NTM: variants seen among roughly 807,000 people sequenced by gnomAD.
The protein encoded by NTM is IgLON family member 2.
A neutral mutation model predicts 42.1 loss-of-function variants in NTM; 13 were observed. That is an observed-to-expected ratio of 0.31 (90% CI 0.20 to 0.49). The LOEUF is 0.49. Among genes scored for constraint, NTM ranks in the 20% least tolerant of loss-of-function variants. NTM has a pLI of 0.99. For synonymous variants in NTM, 187 were observed against 179.2 expected (o/e 1.04, Z -0.35); for missense variants, 373 against 452.8 (o/e 0.82, Z 1.60).
intron 4 of NTM, among the ~76,000 whole-genome samples, chr11:132,292,699 G>T (rs1016919633): frequency 4.7e-5 from 7 of 150,442 alleles, no homozygotes; most frequent in Middle Eastern, 3.4e-3. Flanking sequence ...GAACAAGGGA[G>T]GGAGGCGAAG....
chr11:132,144,368 G>A (rs1304039460), intron 2 of NTM, among the ~76,000 whole-genome samples: 1 of 152,218 alleles, frequency 6.6e-6, no homozygotes, highest in Non-Finnish European at 1.5e-5. Context: ...TAAAGCTTGA[G>A]AAACATGTGG....
At chr11:131,834,428 A>C (rs892626173) in intron 1 of NTM, among the ~76,000 whole-genome samples, 1 of 151,862 alleles carries the variant, frequency 6.6e-6, no homozygotes, top group African/African-American at 2.4e-5. Flanking sequence ...AATTGTTTTC[A>C]TGTGGTAGGC....
At chr11:131,462,951 GAA>G (rs567178609) in intron 1 of NTM, among the ~76,000 whole-genome samples, 2 of 137,780 alleles carry the variant, frequency 1.5e-5, no homozygotes, top group African/African-American at 2.7e-5. Context: ...ATCTACTCAT[GAA>G]AAAAAAAAAA....
intron 2 of NTM, among the ~76,000 whole-genome samples, chr11:131,936,619 T>G (rs1313177699): frequency 6.6e-6 from 1 of 152,186 alleles, no homozygotes; most frequent in Non-Finnish European, 1.5e-5. Context: ...CAAAAACAAC[T>G]TGTACCTCCA....
intron 1 of NTM, among the ~76,000 whole-genome samples, chr11:131,604,714 C>A (rs4526779): frequency 0.084 from 9,365 of 111,406 alleles, 495 homozygotes; most frequent in East Asian, 0.26. Flanking sequence ...TTTTTTCTTT[C>A]CTTTTTTTGG....
intron 2 of NTM, among the ~76,000 whole-genome samples, chr11:132,114,785 G>A (rs530329031): frequency 3.3e-5 from 5 of 152,248 alleles, no homozygotes; most frequent in South Asian, 2.1e-4. Flanking sequence ...ACAGTATCAC[G>A]GGTAGGCTCC....
chr11:131,506,314 C>T (rs2047485986), intron 1 of NTM, among the ~76,000 whole-genome samples: 1 of 152,144 alleles, frequency 6.6e-6, no homozygotes, highest in Non-Finnish European at 1.5e-5. Flanking sequence ...GTGTGATCAT[C>T]CAAACTGGGG....
chr11:131,938,176 T>A (rs1273730278), intron 2 of NTM, among the ~76,000 whole-genome samples: 1 of 152,074 alleles, frequency 6.6e-6, no homozygotes, highest in Non-Finnish European at 1.5e-5. Context: ...GATAAACATA[T>A]AATTACACAA....
Position 131,979,945 on chromosome 11 carries a change from A to T in NTM, c.167+68297A>T, listed in dbSNP as rs114030608. 7.3e-3 allele frequency among the ~76,000 whole-genome samples: 1,106 copies of T among 152,330 alleles called. 17 individuals are homozygous for T. The highest frequency in any genetic ancestry group is 0.026 in the African/African-American group (1,068 of 41,580). On this transcript the variant is annotated intron_variant, in intron 2 of 8. Coordinates refer to ENST00000683400, the MANE Select transcript of NTM (RefSeq NM_001352005.2). Reference sequence around the variant, plus strand: ...TTTGCACATATTAATTAATATAGATAGGCAGGTAGGTGATAGAAAGGTGGC... The same window carrying T: ...TTTGCACATATTAATTAATATAGATTGGCAGGTAGGTGATAGAAAGGTGGC...
intron 2 of NTM, among the ~76,000 whole-genome samples, chr11:132,018,116 CCT>C (rs2073731200): frequency 6.6e-6 from 1 of 151,328 alleles, no homozygotes; most frequent in Non-Finnish European, 1.5e-5. Context: ...TCCCTCTCTC[CCT>C]CTGTCTCTCT....
chr11:132,089,054 A>G (rs1793624), intron 2 of NTM, among the ~76,000 whole-genome samples: 83,522 of 152,028 alleles, frequency 0.55, 23,614 homozygotes, highest in African/African-American at 0.64. Flanking sequence ...GTGTTGTAGC[A>G]GTAGAGAAAG....
At chr11:132,041,227 T>C (rs539953245) in intron 2 of NTM, among the ~76,000 whole-genome samples, 2 of 94,986 alleles carry the variant, frequency 2.1e-5, no homozygotes, top group Non-Finnish European at 4.4e-5. Flanking sequence ...GAGAGAGAGA[T>C]AGATAGAGAG....
chr11:131,514,887 C>A (rs567865318), intron 1 of NTM, among the ~76,000 whole-genome samples: 2 of 151,906 alleles, frequency 1.3e-5, no homozygotes, highest in South Asian at 4.2e-4. Context: ...CCCCCATGCC[C>A]GGCCTTGTAT....
chr11:132,120,646 G>A (rs938168306), intron 2 of NTM, among the ~76,000 whole-genome samples: 3 of 152,142 alleles, frequency 2.0e-5, no homozygotes, highest in Non-Finnish European at 4.4e-5. Flanking sequence ...TCTTCATCTG[G>A]TAGTAGGCAT....
chr11:131,491,737 A>G (rs1471055865), intron 1 of NTM, among the ~76,000 whole-genome samples: 1 of 152,194 alleles, frequency 6.6e-6, no homozygotes, highest in Non-Finnish European at 1.5e-5. Context: ...CCAGAGCGAG[A>G]TAAGACAAGA....
intron 1 of NTM, among the ~76,000 whole-genome samples, chr11:131,447,184 G>A (rs991138517): frequency 7.2e-5 from 11 of 152,314 alleles, no homozygotes; most frequent in African/African-American, 2.6e-4. Flanking sequence ...TTGTATACGG[G>A]GATAGAACCA....
chr11:132,320,925 T>C (rs921701013), intron 7 of NTM, among the ~76,000 whole-genome samples: 11 of 151,202 alleles, frequency 7.3e-5, no homozygotes, highest in Non-Finnish European at 1.2e-4. Context: ...CACTGACACC[T>C]CACACTGCAG....
chr11:131,448,569 G>C (rs1950243038), intron 1 of NTM, among the ~76,000 whole-genome samples: 2 of 152,238 alleles, frequency 1.3e-5, no homozygotes, highest in African/African-American at 4.8e-5. Context: ...AACCAGCAGA[G>C]GCTGCCTCAC....
chr11:132,331,589 T>A (rs541765495), intron 8 of NTM, among the ~76,000 whole-genome samples: 1 of 152,322 alleles, frequency 6.6e-6, no homozygotes, highest in Middle Eastern at 3.4e-3. Context: ...CAACAAACAT[T>A]GGTTGAATAC....
Sources: gnomAD v4.1 joint callset for allele counts (sites outside exome capture counted in the v4.1 genomes callset) on GRCh38, gnomAD v4.1.1 for gene constraint, MANE v1.5 for transcripts, NCBI Gene and HGNC (gene_info 2026-07-23, HGNC 2026-07-21) for gene names.